Variants in RTN4RL1 observed in about 807,000 individuals in gnomAD.
RTN4RL1 encodes reticulon-4 receptor-like 1.
A neutral mutation model predicts 25.6 loss-of-function variants in RTN4RL1; 7 were observed. The ratio of observed to expected loss-of-function variants is 0.27; its 90% CI spans 0.16 to 0.51. The LOEUF (loss-of-function observed/expected upper bound fraction) is 0.51. RTN4RL1 is among the 20% of genes least tolerant of loss of function. The pLI is 0.97. For synonymous variants in RTN4RL1, 297 were observed against 288.2 expected (o/e 1.03, Z -0.31); for missense variants, 500 against 615.6 (o/e 0.81, Z 1.99).
At chr17:1,961,230 G>A (rs572334465) in intron 1 of RTN4RL1, among the ~76,000 whole-genome samples, 74 of 152,296 alleles carry the variant, frequency 4.9e-4, no homozygotes, top group African/African-American at 1.7e-3. Context: ...TGCTGCTGGG[G>A]AGGGGAGGAG....
intron 1 of RTN4RL1, among the ~76,000 whole-genome samples, chr17:2,013,835 C>G (rs9748080): frequency 0.011 from 1,545 of 145,584 alleles, 167 homozygotes; most frequent in African/African-American, 0.041. Context: ...CCCCAGCTCC[C>G]TCACCCTGGA....
intron 1 of RTN4RL1, among the ~76,000 whole-genome samples, chr17:1,986,493 CA>C: frequency 6.6e-6 from 1 of 152,080 alleles, no homozygotes. Context: ...TGGATTACCC[CA>C]AAGGGCCATA....
intron 1 of RTN4RL1, 130 bp downstream of exon 1, chr17:2,024,723 C>T (rs2067250626): frequency 1.1e-6 from 1 of 869,916 alleles, no homozygotes. Flanking sequence ...GGCGGGTGCG[C>T]CCGGCAAAAC....
intron 1 of RTN4RL1, among the ~76,000 whole-genome samples, chr17:1,979,526 G>GAGC (rs1555519275): frequency 6.6e-6 from 1 of 152,038 alleles, no homozygotes; most frequent in Non-Finnish European, 1.5e-5. Flanking sequence ...ATGCTGAGTG[G>GAGC]GGGGGTGTGG....
At chr17:1,991,472 A>AAAAAAAAAAAAAAAAAAAACAAAC (rs1567518488) in intron 1 of RTN4RL1, among the ~76,000 whole-genome samples, 1 of 149,584 alleles carries the variant, frequency 6.7e-6, no homozygotes, top group African/African-American at 2.5e-5. Context: ...AACAAAAAAA[A>AAAAAAAAAAAAAAAAAAAACAAAC]ACTTCAAAGA....
At chr17:1,943,516 C>T (rs537752866) in intron 1 of RTN4RL1, among the ~76,000 whole-genome samples, 126 of 152,354 alleles carry the variant, frequency 8.3e-4, no homozygotes, top group African/African-American at 2.8e-3. Flanking sequence ...CCCTCTGGCT[C>T]TGCAGCCCTC....
chr17:2,007,335 C>A (rs1400429187), intron 1 of RTN4RL1, among the ~76,000 whole-genome samples: 6,984 of 117,370 alleles, frequency 0.06, 214 homozygotes, highest in African/African-American at 0.1. Context: ...GTTCACAGCC[C>A]CAACACACAC....
chr17:1,966,244 C>T (rs918356016), intron 1 of RTN4RL1, among the ~76,000 whole-genome samples: 1 of 152,222 alleles, frequency 6.6e-6, no homozygotes, highest in African/African-American at 2.4e-5. Context: ...GAGCTGAACA[C>T]TCTGCAAAAG....
At chr17:1,988,506 C>CAAAAA (rs777393625) in intron 1 of RTN4RL1, among the ~76,000 whole-genome samples, 2 of 80,484 alleles carry the variant, frequency 2.5e-5, no homozygotes, top group African/African-American at 1.1e-4. Flanking sequence ...GACTCTGTCT[C>CAAAAA]AAAAAAAAAA....
At chr17:2,017,026 C>T (rs2151329226) in intron 1 of RTN4RL1, among the ~76,000 whole-genome samples, 1 of 152,346 alleles carries the variant, frequency 6.6e-6, no homozygotes, top group Non-Finnish European at 1.5e-5. Context: ...CATGGAGTCA[C>T]CTTAGCCTCC....
intron 1 of RTN4RL1, among the ~76,000 whole-genome samples, chr17:2,015,684 A>C (rs1249296000): frequency 6.6e-6 from 1 of 152,182 alleles, no homozygotes; most frequent in East Asian, 1.9e-4. Flanking sequence ...GATGCCAGGG[A>C]AAAAGCAGGG....
chr17:1,963,888 C>T (rs528834739), intron 1 of RTN4RL1, among the ~76,000 whole-genome samples: 20 of 152,230 alleles, frequency 1.3e-4, no homozygotes, highest in Non-Finnish European at 2.6e-4. Flanking sequence ...CCACCACGCC[C>T]GGCTCATTTT....
chr17:2,023,924 C>A (rs760549068), intron 1 of RTN4RL1, among the ~76,000 whole-genome samples: 2 of 148,698 alleles, frequency 1.3e-5, no homozygotes, highest in Non-Finnish European at 3.0e-5. Context: ...CCGGGCCAGG[C>A]GCGGGGGGGA....
chr17:1,967,019 C>G (rs2066794255), intron 1 of RTN4RL1, among the ~76,000 whole-genome samples: 1 of 152,104 alleles, frequency 6.6e-6, no homozygotes, highest in African/African-American at 2.4e-5. Flanking sequence ...TGCTCCTGAC[C>G]CCGAGGTCTC....
chr17:1,937,786 C>T lies in RTN4RL1; in HGVS notation c.36G>A (p.Leu12=). The T allele has an allele frequency of 1.3e-6, 2 of 1,594,984 alleles. No individual in the cohort carries two copies. Among genetic ancestry groups the T allele is most frequent in the South Asian group, 1.1e-5 (1 of 90,600 alleles). Residue 12 remains leucine (L), a synonymous_variant, in exon 2 of 2, where the codon CTG becomes CTA. Coordinates refer to ENST00000331238, the MANE Select transcript of RTN4RL1 (RefSeq NM_178568.4). ...GGGGCAGCTCCGCAGCTACCAACAG[C>T]AGCAGCAACTCCACACAGCACCCTG... ...LRKGCCVELL[L]LLVAAELPLG... is the part of the protein sequence containing the mutation.
chr17:2,022,131 A>G (rs1047877857), intron 1 of RTN4RL1, among the ~76,000 whole-genome samples: 1 of 151,828 alleles, frequency 6.6e-6, no homozygotes, highest in Non-Finnish European at 1.5e-5. Flanking sequence ...CCTGGCCAAC[A>G]TGGCAAAACC....
intron 1 of RTN4RL1, among the ~76,000 whole-genome samples, chr17:1,983,999 C>A (rs1258000989): frequency 1.3e-5 from 2 of 152,198 alleles, no homozygotes; most frequent in African/African-American, 4.8e-5. Flanking sequence ...CTGGCCGGAG[C>A]CCTGAGGCCG....
At chr17:2,003,242 C>G (rs1020274512) in intron 1 of RTN4RL1, 10 of 152,444 alleles carry the variant, frequency 6.6e-5, no homozygotes, top group Non-Finnish European at 1.3e-4. Flanking sequence ...GCCTCCGATA[C>G]CTGATCCTGC....
At chr17:1,983,466 G>C (rs1318238490) in intron 1 of RTN4RL1, among the ~76,000 whole-genome samples, 1 of 152,202 alleles carries the variant, frequency 6.6e-6, no homozygotes, top group East Asian at 1.9e-4. Context: ...ATTCGGGAAC[G>C]AGGTTCACTG....
Sources: allele counts gnomAD v4.1 joint callset (sites outside exome capture counted in the v4.1 genomes callset), GRCh38; gene constraint gnomAD v4.1.1; transcripts MANE v1.5; gene names NCBI Gene and HGNC (gene_info 2026-07-23, HGNC 2026-07-21).